Variants in OCA2 observed in about 807,000 individuals in gnomAD.
OCA2 encodes OCA2 melanosomal transmembrane protein.
In OCA2, 77 loss-of-function variants were observed where a neutral mutation model predicts 100.2. That is an observed-to-expected ratio of 0.77 (90% CI 0.64 to 0.93). The LOEUF (loss-of-function observed/expected upper bound fraction) is 0.93. Ranked by LOEUF, OCA2 falls within the 40% of genes least tolerant of loss-of-function variation. The pLI is 0.00. For missense variants in OCA2, 1,062 were observed against 1,089.1 expected, an observed-to-expected ratio of 0.98 and a Z score of 0.35; for synonymous variants, 432 against 439.2, an observed-to-expected ratio of 0.98 and a Z score of 0.21.
chr15:27,848,404 G>A (rs2035614513), intron 22 of OCA2, among the ~76,000 whole-genome samples: 1 of 152,196 alleles, frequency 6.6e-6, no homozygotes, highest in South Asian at 2.1e-4. Flanking sequence ...ATACCAGTGG[G>A]GTTTTAAGGG....
chr15:28,038,892 C>T lies in OCA2; in HGVS notation c.228-6729G>A, dbSNP rs540035178. Among the ~76,000 whole-genome samples, 391 of 152,318 alleles carry T rather than the reference C, an allele frequency of 2.6e-3. 6 individuals carry two copies. In the South Asian group the frequency reaches 0.039, roughly 15 times the overall value. Reference sequence around the variant, plus strand: ...GTGGCAGAATGGATTTTAAAACACACACACATACACACAGTTCAATTATAT... The same window carrying T: ...GTGGCAGAATGGATTTTAAAACACATACACATACACACAGTTCAATTATAT... On this transcript the variant is annotated intron_variant, in intron 2 of 23. Coordinates refer to ENST00000354638, the MANE Select transcript of OCA2 (RefSeq NM_000275.3).
intron 21 of OCA2, among the ~76,000 whole-genome samples, chr15:27,863,258 A>C (rs1405602491): frequency 6.6e-6 from 1 of 152,184 alleles, no homozygotes; most frequent in Non-Finnish European, 1.5e-5. Flanking sequence ...CACAGCAGCC[A>C]CCCAGCAGCA....
chr15:27,893,858 T>A (rs932086959), intron 19 of OCA2, among the ~76,000 whole-genome samples: 1 of 152,190 alleles, frequency 6.6e-6, no homozygotes, highest in African/African-American at 2.4e-5. Context: ...TGTTGGACCC[T>A]TATCAGTGGT....
chr15:28,053,110 T>C (rs187344118), intron 2 of OCA2, among the ~76,000 whole-genome samples: 51 of 152,334 alleles, frequency 3.3e-4, no homozygotes, highest in African/African-American at 1.0e-3. Flanking sequence ...CATTCTGATA[T>C]AGCCTCAGTT....
the OCA2 span, among the ~76,000 whole-genome samples, chr15:27,722,317 T>C: frequency 5.3e-5 from 8 of 152,340 alleles, no homozygotes; most frequent in South Asian, 1.7e-3. Flanking sequence ...GTTCTTGGAT[T>C]TGAACTGCTC....
intron 23 of OCA2, among the ~76,000 whole-genome samples, chr15:27,801,389 T>C (rs1476365843): frequency 6.6e-6 from 1 of 151,740 alleles, no homozygotes; most frequent in Non-Finnish European, 1.5e-5. Context: ...CCATCTCTAC[T>C]AAAAATACAA....
At chr15:27,775,882 C>T (rs2032182754) in intron 23 of OCA2, among the ~76,000 whole-genome samples, 1 of 152,220 alleles carries the variant, frequency 6.6e-6, no homozygotes, top group African/African-American at 2.4e-5. Flanking sequence ...TAACTAACCA[C>T]CTTGTAAAGG....
chr15:27,722,739 CT>C, the OCA2 span, among the ~76,000 whole-genome samples: 21 of 124,998 alleles, frequency 1.7e-4, no homozygotes, highest in Non-Finnish European at 2.5e-4. Flanking sequence ...TTCTTTCTTT[CT>C]TCTTTCTTCT....
At chr15:27,779,470 G>C (rs893977472) in intron 23 of OCA2, among the ~76,000 whole-genome samples, 1 of 152,058 alleles carries the variant, frequency 6.6e-6, no homozygotes, top group Non-Finnish European at 1.5e-5. Context: ...ATTTATAATT[G>C]TTATATATTT....
intron 2 of OCA2, among the ~76,000 whole-genome samples, chr15:28,071,282 T>C (rs1337208859): frequency 2.0e-5 from 3 of 151,742 alleles, no homozygotes; most frequent in East Asian, 3.9e-4. Flanking sequence ...CGCAAATAAA[T>C]AGAAAAACAT....
intron 14 of OCA2, among the ~76,000 whole-genome samples, chr15:27,976,227 T>C (rs571340408): frequency 6.6e-6 from 1 of 152,346 alleles, no homozygotes; most frequent in East Asian, 1.9e-4. Context: ...TAATTCTTCC[T>C]TACCAATATT....
At chr15:27,931,802 C>T (rs865911444) in intron 18 of OCA2, among the ~76,000 whole-genome samples, 7 of 152,314 alleles carry the variant, frequency 4.6e-5, no homozygotes, top group African/African-American at 7.2e-5. Context: ...ATCCAAACTA[C>T]CCTTTTGTCT....
chr15:27,910,881 A>G (rs1233744145), intron 19 of OCA2, among the ~76,000 whole-genome samples: 23 of 151,838 alleles, frequency 1.5e-4, no homozygotes. Flanking sequence ...GCTTGAACCC[A>G]GGAGGCAGAG....
At chr15:27,886,229 T>C (rs1200538600) in intron 19 of OCA2, among the ~76,000 whole-genome samples, 3 of 152,220 alleles carry the variant, frequency 2.0e-5, no homozygotes, top group Non-Finnish European at 4.4e-5. Context: ...TAAGTCATGG[T>C]TGAGGCTCTG....
chr15:27,772,797 C>T (rs1292782033), intron 23 of OCA2, among the ~76,000 whole-genome samples: 3 of 149,644 alleles, frequency 2.0e-5, no homozygotes, highest in African/African-American at 5.0e-5. Context: ...GCTGAGATCT[C>T]GCCACTGCAC....
At chr15:28,040,019 G>A (rs1301605325) in intron 2 of OCA2, among the ~76,000 whole-genome samples, 1 of 144,702 alleles carries the variant, frequency 6.9e-6, no homozygotes, top group African/African-American at 2.6e-5. Context: ...GTGACAGAGA[G>A]AGACTCCATC....
At chr15:27,923,609 T>G (rs940087611) in intron 19 of OCA2, among the ~76,000 whole-genome samples, 1 of 152,234 alleles carries the variant, frequency 6.6e-6, no homozygotes, top group Admixed American at 6.5e-5. Context: ...TTTCTAATGA[T>G]AGGTGATATT....
In OCA2 at chr15:27,966,836, A is replaced by G; in HGVS notation, c.1504-14T>C. The G allele has an allele frequency of 6.2e-7, 1 of 1,604,840 alleles. No homozygotes were observed. On this transcript the variant is annotated splice_polypyrimidine_tract_variant and intron_variant, in intron 14 of 23. Coordinates refer to ENST00000354638, the MANE Select transcript of OCA2 (RefSeq NM_000275.3). ...AAAGTCCAGGCCCTGGAAATAAACAAGGGGAAATGAAATGGCAGCCCAGGC... is the reference window on the plus strand; with the variant it reads ...AAAGTCCAGGCCCTGGAAATAAACAGGGGGAAATGAAATGGCAGCCCAGGC...
chr15:28,047,066 C>T (rs552977800), intron 2 of OCA2, among the ~76,000 whole-genome samples: 50 of 152,244 alleles, frequency 3.3e-4, no homozygotes, highest in South Asian at 6.2e-4. Flanking sequence ...GCCTGTGCAT[C>T]CCTCTCTTTG....
Sources: allele counts gnomAD v4.1 joint callset (sites outside exome capture counted in the v4.1 genomes callset), GRCh38; gene constraint gnomAD v4.1.1; transcripts MANE v1.5; gene names NCBI Gene and HGNC (gene_info 2026-07-23, HGNC 2026-07-21).